KDM2B: variants seen among roughly 807,000 people sequenced by gnomAD.
KDM2B encodes lysine-specific demethylase 2B.
KDM2B carries 26 observed loss-of-function variants against 150.0 expected under a neutral mutation model. That is an observed-to-expected ratio of 0.17 (90% CI 0.13 to 0.24). The LOEUF (loss-of-function observed/expected upper bound fraction) is 0.24, where lower values mean the gene tolerates loss of function less well. Ranked by LOEUF, KDM2B falls within the 10% of genes least tolerant of loss-of-function variation. The probability of loss-of-function intolerance (pLI) is 1.00; values close to 1 mark genes in which losing one functional copy is unlikely to be tolerated. For missense variants in KDM2B, 1,265 were observed against 1,816.9 expected (o/e 0.70, Z 5.52); for synonymous variants, 734 against 729.5 (o/e 1.01, Z -0.10).
At chr12:121,576,847 G>A (rs1415144855) in intron 2 of KDM2B, among the ~76,000 whole-genome samples, 1 of 152,226 alleles carries the variant, frequency 6.6e-6, no homozygotes, top group African/African-American at 2.4e-5. Context: ...GGCCACTGAA[G>A]CTGCTAGCCC....
intron 4 of KDM2B, among the ~76,000 whole-genome samples, chr12:121,564,831 T>C (rs1203599190): frequency 6.6e-6 from 1 of 151,952 alleles, no homozygotes; most frequent in Non-Finnish European, 1.5e-5. Context: ...TTCTCTTTTC[T>C]TTTTCTTATT....
At chr12:121,480,931 T>G (rs1408178688) in intron 12 of KDM2B, among the ~76,000 whole-genome samples, 1 of 134,252 alleles carries the variant, frequency 7.4e-6, no homozygotes, top group South Asian at 2.5e-4. Flanking sequence ...TTTTTTTTGT[T>G]GTTTTTTTTT....
chr12:121,435,916 C>T (rs1211999516), intron 22 of KDM2B, among the ~76,000 whole-genome samples: 1 of 152,136 alleles, frequency 6.6e-6, no homozygotes, highest in Non-Finnish European at 1.5e-5. Flanking sequence ...TCTGATCACC[C>T]TTGAGTGGAG....
intron 11 of KDM2B, among the ~76,000 whole-genome samples, chr12:121,495,226 A>G (rs1302884130): frequency 1.3e-5 from 2 of 151,704 alleles, no homozygotes; most frequent in Admixed American, 6.6e-5. Context: ...CAGTGGCGCA[A>G]TCTGGGCTCA....
At chr12:121,495,898 C>T (rs1883884641) in intron 11 of KDM2B, among the ~76,000 whole-genome samples, 1 of 151,162 alleles carries the variant, frequency 6.6e-6, no homozygotes, top group Non-Finnish European at 1.5e-5. Context: ...CTGCGTTGGA[C>T]GGACTGCCAG....
chr12:121,581,621 G>A (rs1159112850), upstream of KDM2B, among the ~76,000 whole-genome samples: 2 of 152,210 alleles, frequency 1.3e-5, no homozygotes, highest in Non-Finnish European at 1.5e-5. Context: ...AGAGGGAGAC[G>A]ATAAAGGGAC....
chr12:121,522,067 C>A (rs1047377846), intron 8 of KDM2B, among the ~76,000 whole-genome samples: 5 of 151,714 alleles, frequency 3.3e-5, no homozygotes, highest in Admixed American at 2.6e-4. Context: ...TGTGATCACA[C>A]CCCTGCACTC....
chr12:121,496,259 GCA>G (rs2140401514), intron 11 of KDM2B, among the ~76,000 whole-genome samples: 1 of 152,130 alleles, frequency 6.6e-6, no homozygotes, highest in South Asian at 2.1e-4. Context: ...ATGTGTTTAA[GCA>G]CACACAGAAC....
At chr12:121,551,844 C>T (rs572212311) in intron 4 of KDM2B, among the ~76,000 whole-genome samples, 1 of 152,230 alleles carries the variant, frequency 6.6e-6, no homozygotes. Context: ...TGAGCCACCG[C>T]GCCCAGCATG....
In KDM2B at chr12:121,537,222, G is replaced by GCCCCC. The variant is rs1888203715; in HGVS notation, c.684-2633_684-2632insGGGGG. Reference sequence around the variant, plus strand: ...CTTTGTCCGGCCCCTGCAGCGACAGGCCACCCCCGCTCCCGCCCCGCGCTG... The same window carrying GCCCCC: ...CTTTGTCCGGCCCCTGCAGCGACAGGCCCCCCCACCCCCGCTCCCGCCCCGCGCTG... On this transcript the variant is annotated intron_variant, in intron 6 of 22. Transcript: ENST00000377071. This position sits in a 1 kb window ranked among gnomAD's most constrained non-coding sequence, Gnocchi z 8.7. 1 of 152,840 alleles carries GCCCCC rather than the reference G, an allele frequency of 6.5e-6. No individual in the cohort carries two copies. Among genetic ancestry groups the GCCCCC allele is most frequent in the Non-Finnish European group, 1.5e-5 (1 of 68,612 alleles). 9.5% of individuals were successfully genotyped at this position (152,840 alleles called of 1,614,324 possible). A position where few individuals can be genotyped will look rare whatever the true frequency, so the allele number is the denominator to read the frequency against.
intron 4 of KDM2B, among the ~76,000 whole-genome samples, chr12:121,573,070 C>T (rs555636533): frequency 3.3e-5 from 5 of 151,590 alleles, no homozygotes; most frequent in African/African-American, 7.3e-5. Context: ...GTGATCCTCC[C>T]GCCTCAGCCT....
chr12:121,442,454 C>A lies in KDM2B; in HGVS notation c.2987G>T (p.Arg996Leu), dbSNP rs781891058. The A allele has an allele frequency of 1.9e-6, 3 of 1,599,588 alleles. No individual in the cohort carries two copies. The highest frequency in any genetic ancestry group is 2.5e-6 in the Non-Finnish European group (3 of 1,179,590). Residue 996 changes from arginine (R) to leucine (L), a missense_variant, in exon 19 of 23, where the codon CGC becomes CTC. Transcript: ENST00000377071. This position sits in a 1 kb window ranked among gnomAD's most constrained non-coding sequence, Gnocchi z 7.7. ...RPPGICERPHRFSKGLNGTPR... is the reference protein window; with the variant it reads ...RPPGICERPHLFSKGLNGTPR... ...GGTGCCGTTGAGCCCCTTGCTGAAGCGGTGGGGACGCTCGCAGATGCCCGG... is the reference window on the plus strand; with the variant it reads ...GGTGCCGTTGAGCCCCTTGCTGAAGAGGTGGGGACGCTCGCAGATGCCCGG...
rs1555289406 is a variant in KDM2B at position 121,444,095 on chromosome 12, G to C, written c.2368C>G (p.Leu790Val). 1 of 1,613,710 alleles carries C rather than the reference G, an allele frequency of 6.2e-7. No homozygotes were observed. The highest frequency in any genetic ancestry group is 2.2e-5 in the East Asian group (1 of 44,888). The change falls in exon 16 of 23, where the codon CTT (leucine) becomes GTT (valine). Residue 790 changes from leucine to valine, a missense_variant. Transcript: ENST00000377071. ...EHSKKVPPDG[L>V]LRRKSDDVHL... Reference sequence around the variant, plus strand: ...ACGTCGTCAGACTTTCTGCGCAGAAGGCCGTCCGGCGGCACCTTCTTCGAG... The same window carrying C: ...ACGTCGTCAGACTTTCTGCGCAGAACGCCGTCCGGCGGCACCTTCTTCGAG...
At chr12:121,528,057 AG>A (rs2141372957) in intron 8 of KDM2B, among the ~76,000 whole-genome samples, 1 of 152,310 alleles carries the variant, frequency 6.6e-6, no homozygotes, top group Non-Finnish European at 1.5e-5. Flanking sequence ...GGTGACCCCT[AG>A]GCACTGTTTA....
chr12:121,491,850 G>A (rs188399583), intron 12 of KDM2B, among the ~76,000 whole-genome samples: 3 of 147,842 alleles, frequency 2.0e-5, no homozygotes, highest in African/African-American at 5.0e-5. Context: ...TTATGCAGAA[G>A]AGCACTGCTC....
chr12:121,509,253 G>A (rs535594632), intron 11 of KDM2B, among the ~76,000 whole-genome samples: 169 of 151,574 alleles, frequency 1.1e-3, no homozygotes, highest in Admixed American at 1.9e-3. Context: ...TAGTAGAGAC[G>A]GGGTTTCACC....
intron 8 of KDM2B, among the ~76,000 whole-genome samples, chr12:121,532,161 C>A (rs536920509): frequency 4.6e-5 from 7 of 152,064 alleles, no homozygotes; most frequent in African/African-American, 1.7e-4. Context: ...TGTGGCCTGA[C>A]CCCCTCCCTC....
In KDM2B at chr12:121,430,278, T is replaced by A. The variant is rs1555285175; in HGVS notation, c.*10A>T. The stretch of plus-strand genomic sequence containing the variant: ...AGAGCCCGCCCCGTATTTACATACT[T>A]ATCCTTGGACTAACTCAGTTTTTGC... On this transcript the variant is annotated 3_prime_UTR_variant, in exon 23 of 23. Transcript: ENST00000377071. This position sits in a 1 kb window ranked among gnomAD's most constrained non-coding sequence, Gnocchi z 4.4. 1 of 1,614,206 alleles carries A rather than the reference T, an allele frequency of 6.2e-7. No homozygotes were observed. Among genetic ancestry groups the A allele is most frequent in the South Asian group, 1.1e-5 (1 of 91,086 alleles).
At chr12:121,435,791 C>T (rs1460868104) in intron 22 of KDM2B, among the ~76,000 whole-genome samples, 1 of 152,148 alleles carries the variant, frequency 6.6e-6, no homozygotes, top group Non-Finnish European at 1.5e-5. Flanking sequence ...TCCTGACCAG[C>T]TTAAGAGAAA....
Sources: gnomAD v4.1 joint callset for allele counts (sites outside exome capture counted in the v4.1 genomes callset) on GRCh38, gnomAD v4.1.1 for gene constraint, Gnocchi (gnomAD v3.1) non-coding constraint, MANE v1.5 for transcripts, NCBI Gene and HGNC (gene_info 2026-07-23, HGNC 2026-07-21) for gene names.